NKAIN2: variants seen among roughly 807,000 people sequenced by gnomAD.
The protein encoded by NKAIN2 is sodium/potassium-transporting ATPase subunit beta-1-interacting protein 2.
A neutral mutation model predicts 32.6 loss-of-function variants in NKAIN2; 14 were observed. The observed-to-expected ratio is 0.43, with a 90% CI of 0.28 to 0.67. The LOEUF (loss-of-function observed/expected upper bound fraction) is 0.67. NKAIN2 is among the 30% of genes least tolerant of loss of function. NKAIN2 has a pLI of 0.17. For missense variants in NKAIN2, 198 were observed against 258.3 expected (o/e 0.77, Z 1.60); for synonymous variants, 80 against 87.2 (o/e 0.92, Z 0.46).
intron 1 of NKAIN2, among the ~76,000 whole-genome samples, chr6:124,048,420 C>T (rs1006481110): frequency 1.3e-5 from 2 of 151,760 alleles, no homozygotes; most frequent in African/African-American, 4.8e-5. Context: ...CAAGGAGAGC[C>T]CTGGAGATCA....
chr6:124,633,669 G>A (rs1783659168), intron 3 of NKAIN2, among the ~76,000 whole-genome samples: 1 of 152,128 alleles, frequency 6.6e-6, no homozygotes, highest in Non-Finnish European at 1.5e-5. Context: ...TGAACCAAGA[G>A]ACATTTTAAA....
chr6:124,817,047 G>T (rs554070284), intron 5 of NKAIN2, among the ~76,000 whole-genome samples: 1 of 152,222 alleles, frequency 6.6e-6, no homozygotes, highest in East Asian at 1.9e-4. Context: ...GGGATGGCTT[G>T]TCTCTGTTCT....
rs1336357742 is a variant in NKAIN2, at chr6:124,591,816, C to T, written c.274-66370C>T. Among the ~76,000 whole-genome samples, 5 of 152,144 alleles carry T rather than the reference C, an allele frequency of 3.3e-5. No homozygotes were observed. The East Asian group carries it at 7.8e-4, about 24-fold the overall frequency. ...AAAAAAGGAAACGTGGTTATAGTGT[C>T]CTCTTGGAGCTTACAGTCAGGACAG... On this transcript the variant is annotated intron_variant, in intron 3 of 6. Coordinates refer to ENST00000368417, the MANE Select transcript of NKAIN2 (RefSeq NM_001040214.3).
intron 4 of NKAIN2, among the ~76,000 whole-genome samples, chr6:124,739,259 A>T (rs1426513642): frequency 6.6e-6 from 1 of 151,892 alleles, no homozygotes; most frequent in Admixed American, 6.6e-5. Context: ...AACATTCATT[A>T]GCTCTCATAG....
intron 2 of NKAIN2, among the ~76,000 whole-genome samples, chr6:124,315,640 G>A (rs6919242): frequency 0.025 from 3,867 of 152,076 alleles, 152 homozygotes; most frequent in African/African-American, 0.088. Flanking sequence ...CCAAAGTGTC[G>A]AATCTCCAGA....
At chr6:124,429,727 T>C (rs941113413) in intron 3 of NKAIN2, among the ~76,000 whole-genome samples, 11 of 152,150 alleles carry the variant, frequency 7.2e-5, no homozygotes, top group African/African-American at 2.2e-4. Flanking sequence ...GGGGACTTTA[T>C]TGTGTTGGTG....
intron 5 of NKAIN2, among the ~76,000 whole-genome samples, chr6:124,808,939 C>T (rs1780736905): frequency 6.6e-6 from 1 of 152,108 alleles, no homozygotes; most frequent in South Asian, 2.1e-4. Context: ...CGTGAAGGAC[C>T]TCTTCAAGGA....
chr6:124,113,888 C>A (rs1192248442), intron 1 of NKAIN2, among the ~76,000 whole-genome samples: 1 of 152,142 alleles, frequency 6.6e-6, no homozygotes, highest in African/African-American at 2.4e-5. Context: ...GTGGCTGAAT[C>A]GATATGCTTG....
intron 4 of NKAIN2, among the ~76,000 whole-genome samples, chr6:124,745,583 G>A (rs1032197745): frequency 6.6e-6 from 1 of 151,726 alleles, no homozygotes; most frequent in Non-Finnish European, 1.5e-5. Flanking sequence ...ATTTTACATG[G>A]CCTTTCTTTT....
At chr6:124,021,793 C>G (rs1055638393) in intron 1 of NKAIN2, among the ~76,000 whole-genome samples, 5 of 151,924 alleles carry the variant, frequency 3.3e-5, no homozygotes, top group African/African-American at 1.2e-4. Context: ...CTATCCTCTC[C>G]CCTGATTGTA....
rs1335430451 is a variant in NKAIN2 at position 124,823,415 on chromosome 6, C to G, written c.*186C>G. The G allele has an allele frequency of 5.4e-6, 3 of 559,948 alleles. No homozygotes were observed. In the Admixed American group the frequency reaches 8.5e-5, roughly 16 times the overall value. 34.7% of individuals were successfully genotyped at this position (559,948 alleles called of 1,614,324 possible). ...ACACACACACGTGAGCACGCACACACCAATTCCACTTGACCTCCTCTTTCT... is the reference window on the plus strand; with the variant it reads ...ACACACACACGTGAGCACGCACACAGCAATTCCACTTGACCTCCTCTTTCT... On this transcript the variant is annotated 3_prime_UTR_variant, in exon 7 of 7. Transcript: ENST00000368417.
chr6:124,037,608 A>G (rs1359510442), intron 1 of NKAIN2, among the ~76,000 whole-genome samples: 1 of 152,130 alleles, frequency 6.6e-6, no homozygotes, highest in Non-Finnish European at 1.5e-5. Context: ...CAATACATCA[A>G]AGAGCCTCTT....
chr6:124,474,356 C>T (rs985056260), intron 3 of NKAIN2, among the ~76,000 whole-genome samples: 4 of 152,064 alleles, frequency 2.6e-5, no homozygotes, highest in African/African-American at 9.7e-5. Flanking sequence ...AAAACAAACA[C>T]CCTCTGAGTT....
intron 1 of NKAIN2, among the ~76,000 whole-genome samples, chr6:123,894,740 A>C (rs920427572): frequency 6.6e-6 from 1 of 152,060 alleles, no homozygotes; most frequent in African/African-American, 2.4e-5. Context: ...ATGTGTCTAC[A>C]ATGAGTATGT....
chr6:124,485,558 A>G (rs1392917328), intron 3 of NKAIN2, among the ~76,000 whole-genome samples: 1 of 152,108 alleles, frequency 6.6e-6, no homozygotes, highest in African/African-American at 2.4e-5. Flanking sequence ...AAAATATAAC[A>G]TGCGTCTCAG....
intron 3 of NKAIN2, among the ~76,000 whole-genome samples, chr6:124,488,740 A>G (rs1777748936): frequency 6.6e-6 from 1 of 152,026 alleles, no homozygotes; most frequent in African/African-American, 2.4e-5. Context: ...AGAGAAAACC[A>G]TGAATCCTGC....
intron 1 of NKAIN2, among the ~76,000 whole-genome samples, chr6:123,898,551 GTTT>G (rs11348160): frequency 0.014 from 1,827 of 131,786 alleles, 40 homozygotes; most frequent in African/African-American, 0.045. Context: ...CTCCAGGGGT[GTTT>G]TTTTTTTTTT....
intron 2 of NKAIN2, among the ~76,000 whole-genome samples, chr6:124,340,425 A>G (rs1367693403): frequency 2.0e-5 from 3 of 152,078 alleles, no homozygotes; most frequent in Non-Finnish European, 2.9e-5. Flanking sequence ...AGGTTTCTTA[A>G]TAGATAAACT....
intron 5 of NKAIN2, among the ~76,000 whole-genome samples, chr6:124,798,091 CT>C (rs1780093774): frequency 1.4e-5 from 2 of 145,970 alleles, no homozygotes; most frequent in Non-Finnish European, 1.5e-5. Context: ...ATCTATCTAT[CT>C]ATCTATCTAT....
Sources: allele counts gnomAD v4.1 joint callset (sites outside exome capture counted in the v4.1 genomes callset), GRCh38; gene constraint gnomAD v4.1.1; transcripts MANE v1.5; gene names NCBI Gene and HGNC (gene_info 2026-07-23, HGNC 2026-07-21).